PRDM16: variants seen among roughly 807,000 people sequenced by gnomAD.
The protein encoded by PRDM16 is PR/SET domain 16, also known as histone-lysine N-methyltransferase PRDM16.
Under a neutral mutation model 110.6 loss-of-function variants are expected in PRDM16, and 23 were observed. That is an observed-to-expected ratio of 0.21 (90% CI 0.15 to 0.29). The LOEUF (loss-of-function observed/expected upper bound fraction) is 0.29, where lower values mean the gene tolerates loss of function less well. PRDM16 is among the 10% of genes least tolerant of loss of function. The probability of loss-of-function intolerance (pLI) is 1.00; values close to 1 mark genes in which losing one functional copy is unlikely to be tolerated. For synonymous variants in PRDM16, 799 were observed against 781.8 expected, an observed-to-expected ratio of 1.02 and a Z score of -0.37; for missense variants, 1,615 against 1,794.3, an observed-to-expected ratio of 0.90 and a Z score of 1.81.
intron 3 of PRDM16, among the ~76,000 whole-genome samples, chr1:3,254,122 G>T (rs1639998493): frequency 1.3e-5 from 2 of 152,136 alleles, no homozygotes; most frequent in Non-Finnish European, 2.9e-5. Flanking sequence ...TGTCAAATGA[G>T]TAGGTTGCGA....
At chr1:3,166,306 A>G (rs1408541249) in intron 1 of PRDM16, among the ~76,000 whole-genome samples, 1 of 152,190 alleles carries the variant, frequency 6.6e-6, no homozygotes, top group Non-Finnish European at 1.5e-5. Flanking sequence ...TGCGGAGGCA[A>G]CTCCGATGCC....
At chr1:3,238,107 G>A (rs1639579397) in intron 2 of PRDM16, 1 of 152,258 alleles carries the variant, frequency 6.6e-6, no homozygotes, top group South Asian at 2.1e-4. Context: ...TAGGGCTTAG[G>A]GGCCATTCCC....
chr1:3,335,956 G>C (rs1421251937), intron 3 of PRDM16, among the ~76,000 whole-genome samples: 1 of 152,234 alleles, frequency 6.6e-6, no homozygotes, highest in Non-Finnish European at 1.5e-5. Context: ...CCTCCTTACT[G>C]TGAACTCCGC....
chr1:3,286,975 T>C (rs1277197231), intron 3 of PRDM16, among the ~76,000 whole-genome samples: 1 of 150,582 alleles, frequency 6.6e-6, no homozygotes, highest in African/African-American at 2.5e-5. Context: ...AAGCTGGGTC[T>C]GCCCAACCTT....
chr1:3,333,731 C>T (rs1642089025), intron 3 of PRDM16, among the ~76,000 whole-genome samples: 2 of 152,074 alleles, frequency 1.3e-5, no homozygotes, highest in South Asian at 2.1e-4. Flanking sequence ...TGGCAGGAGG[C>T]GAGTAGATCA....
intron 2 of PRDM16, 51 bp downstream of exon 2, chr1:3,186,525 C>T (rs1644270677): frequency 8.2e-7 from 1 of 1,224,802 alleles, no homozygotes; most frequent in Non-Finnish European, 1.1e-6. Flanking sequence ...ATCTTGTGTT[C>T]AATCTATTTA....
intron 1 of PRDM16, among the ~76,000 whole-genome samples, chr1:3,177,056 C>T (rs1400548485): frequency 1.3e-5 from 2 of 152,168 alleles, no homozygotes; most frequent in African/African-American, 2.4e-5. Context: ...TTAACTCATC[C>T]ATCCACTCAT....
intron 2 of PRDM16, among the ~76,000 whole-genome samples, chr1:3,194,092 C>T (rs550377056): frequency 6.6e-6 from 1 of 152,368 alleles, no homozygotes; most frequent in East Asian, 1.9e-4. Context: ...CCTGCATGTC[C>T]TGTCCGGCAC....
intron 10 of PRDM16, among the ~76,000 whole-genome samples, chr1:3,416,456 G>A (rs1638264635): frequency 6.6e-6 from 1 of 152,172 alleles, no homozygotes. Context: ...GAGGCAGCGA[G>A]CCCTATATGA....
intron 3 of PRDM16, among the ~76,000 whole-genome samples, chr1:3,283,658 G>C (rs915938291): frequency 3.9e-5 from 6 of 152,222 alleles, no homozygotes; most frequent in African/African-American, 1.4e-4. Context: ...CAGAGGAAGA[G>C]ACAGGGGGTG....
In PRDM16 at chr1:3,412,584, C is replaced by A; in HGVS notation, c.2387C>A (p.Ala796Glu). ...LPMPKGPSAPASGEEQPLDLS... is the reference protein window; with the variant it reads ...LPMPKGPSAPESGEEQPLDLS... ...ATGCCCAAGGGCCCCTCGGCCCCCG[C>A]ATCCGGCGAGGAGCAGCCGCTGGAC... The change falls in exon 9 of 17, where the codon GCA becomes GAA. Residue 796 changes from alanine (A) to glutamate (E), a missense_variant. Transcript: ENST00000270722. 2.5e-6 allele frequency: 4 copies of A among 1,606,140 alleles called. No homozygotes were observed. The highest frequency in any genetic ancestry group is 3.4e-6 in the Non-Finnish European group (4 of 1,177,226).
chr1:3,187,996 G>A lies in PRDM16; in HGVS notation c.387+1522G>A, dbSNP rs138638544. ...GTGGGCCCAAGGTCGGGTCACCTTC[G>A]GGAGAGACTGGCCAGGGCCAGGGGC... On this transcript the variant is annotated intron_variant, in intron 2 of 16. Coordinates refer to ENST00000270722, the MANE Select transcript of PRDM16 (RefSeq NM_022114.4). Among the ~76,000 whole-genome samples the A allele has an allele frequency of 1.2e-4, 18 of 152,314 alleles. 1 individual carries two copies. In the East Asian group the frequency reaches 2.9e-3, roughly 25 times the overall value.
chr1:3,341,120 G>A (rs1051781922), intron 3 of PRDM16, among the ~76,000 whole-genome samples: 6 of 151,892 alleles, frequency 4.0e-5, no homozygotes, highest in Non-Finnish European at 7.4e-5. Context: ...CTGAGCCCTC[G>A]TTTCTCCTGG....
intron 1 of PRDM16, among the ~76,000 whole-genome samples, chr1:3,112,467 G>A (rs1002975930): frequency 1.3e-5 from 2 of 152,230 alleles, no homozygotes; most frequent in East Asian, 3.9e-4. Context: ...CACAGCCTGG[G>A]GTGCGGGAGG....
chr1:3,227,984 G>A (rs894695566), intron 2 of PRDM16, among the ~76,000 whole-genome samples: 12 of 152,240 alleles, frequency 7.9e-5, no homozygotes, highest in African/African-American at 2.9e-4. Flanking sequence ...TGGGCTCTTC[G>A]CAGTATCCCA....
chr1:3,210,894 T>C lies in PRDM16; in HGVS notation c.387+24420T>C, dbSNP rs114129116. Among the ~76,000 whole-genome samples the C allele has an allele frequency of 1.0e-3, 154 of 152,378 alleles. 1 individual carries two copies. The highest frequency in any genetic ancestry group is 3.4e-3 in the Middle Eastern group (1 of 294). Reference sequence around the variant, plus strand: ...ATATATCTATTAGGTATTTATTCATTTATTTATTCGATATGTATTTGTTCA... The same window carrying C: ...ATATATCTATTAGGTATTTATTCATCTATTTATTCGATATGTATTTGTTCA... On this transcript the variant is annotated intron_variant, in intron 2 of 16. Transcript: ENST00000270722.
intron 9 of PRDM16, among the ~76,000 whole-genome samples, chr1:3,413,158 C>T (rs1028353617): frequency 1.3e-5 from 2 of 151,460 alleles, no homozygotes; most frequent in East Asian, 3.9e-4. Flanking sequence ...CCCTTCCCCA[C>T]CCCTCTCTCC....
chr1:3,281,844 G>A (rs1245344752), intron 3 of PRDM16, among the ~76,000 whole-genome samples: 1 of 152,272 alleles, frequency 6.6e-6, no homozygotes, highest in Non-Finnish European at 1.5e-5. Context: ...GGGATAAGGA[G>A]CAGGCAGACG....
At chr1:3,373,557 AC>A (rs1642942808) in intron 3 of PRDM16, among the ~76,000 whole-genome samples, 1 of 152,036 alleles carries the variant, frequency 6.6e-6, no homozygotes, top group Non-Finnish European at 1.5e-5. Context: ...TATGAAAAAC[AC>A]CCCTGCAAGG....
Sources: allele counts gnomAD v4.1 joint callset (sites outside exome capture counted in the v4.1 genomes callset), GRCh38; gene constraint gnomAD v4.1.1; transcripts MANE v1.5; gene names NCBI Gene and HGNC (gene_info 2026-07-23, HGNC 2026-07-21).